The following CSMD2 variants were observed in gnomAD, a reference collection of about 807,000 sequenced individuals.
CSMD2 encodes the protein CUB and Sushi multiple domains 2.
In CSMD2, 130 loss-of-function variants were observed where a neutral mutation model predicts 398.5. The observed-to-expected ratio is 0.33, with a 90% CI of 0.28 to 0.38. CSMD2 has a LOEUF of 0.38. CSMD2 is among the 10% of genes least tolerant of loss of function. The pLI is 1.00. For synonymous variants in CSMD2, 1,828 were observed against 1,908.5 expected (o/e 0.96, Z 1.10); for missense variants, 3,829 against 4,764.9 (o/e 0.80, Z 5.78).
chr1:34,024,227 A>G (rs538485316), intron 3 of CSMD2, among the ~76,000 whole-genome samples: 1 of 152,356 alleles, frequency 6.6e-6, no homozygotes, highest in South Asian at 2.1e-4. Flanking sequence ...ACTGATATAT[A>G]GCAGGTGTTC....
At chr1:33,763,603 C>T (rs748163424) in intron 13 of CSMD2, among the ~76,000 whole-genome samples, 1 of 152,152 alleles carries the variant, frequency 6.6e-6, no homozygotes, top group African/African-American at 2.4e-5. Flanking sequence ...TTGACTAATT[C>T]CTTGGACATC....
At chr1:33,673,437 G>A (rs1029557929) in intron 25 of CSMD2, among the ~76,000 whole-genome samples, 3 of 152,212 alleles carry the variant, frequency 2.0e-5, no homozygotes, top group African/African-American at 7.2e-5. Flanking sequence ...AATGAACAAA[G>A]CTTCCAAGAA....
chr1:34,000,281 T>G (rs1223230098), intron 3 of CSMD2, among the ~76,000 whole-genome samples: 1 of 151,940 alleles, frequency 6.6e-6, no homozygotes, highest in Non-Finnish European at 1.5e-5. Flanking sequence ...GGAAACCTCT[T>G]CAGCATTTCA....
At chr1:34,103,516 T>C (rs1301999333) in intron 1 of CSMD2, among the ~76,000 whole-genome samples, 1 of 151,974 alleles carries the variant, frequency 6.6e-6, no homozygotes, top group Non-Finnish European at 1.5e-5. Flanking sequence ...GCCAGGATGG[T>C]CTTGATCTGA....
At chr1:33,964,244 C>A (rs1465079323) in intron 3 of CSMD2, among the ~76,000 whole-genome samples, 1 of 148,600 alleles carries the variant, frequency 6.7e-6, no homozygotes, top group African/African-American at 2.4e-5. Flanking sequence ...GACTTAACCT[C>A]TCTATGTCTC....
At chr1:33,959,333 C>A (rs1475549211) in intron 3 of CSMD2, among the ~76,000 whole-genome samples, 1 of 152,128 alleles carries the variant, frequency 6.6e-6, no homozygotes, top group Non-Finnish European at 1.5e-5. Context: ...TATCAACTGC[C>A]CAGCACAGTG....
At chr1:33,723,054 G>T (rs776463737) in intron 19 of CSMD2, among the ~76,000 whole-genome samples, 12 of 152,158 alleles carry the variant, frequency 7.9e-5, no homozygotes, top group Non-Finnish European at 1.5e-4. Context: ...ACACAGGCAT[G>T]TGTGTGCACA....
intron 7 of CSMD2, 81 bp from the exon 8 acceptor site, chr1:33,820,637 T>C: frequency 2.2e-6 from 2 of 923,192 alleles, no homozygotes; most frequent in South Asian, 1.4e-5. Flanking sequence ...GCTGGGGCAA[T>C]GTCTCAGGGT....
intron 6 of CSMD2, among the ~76,000 whole-genome samples, chr1:33,836,410 G>T (rs1660272974): frequency 6.6e-6 from 1 of 152,226 alleles, no homozygotes; most frequent in South Asian, 2.1e-4. Context: ...GGACATTTAA[G>T]TCTGCAGAAG....
chr1:33,833,190 C>A (rs1229677776), intron 6 of CSMD2, among the ~76,000 whole-genome samples: 7 of 123,038 alleles, frequency 5.7e-5, no homozygotes, highest in Non-Finnish European at 8.3e-5. Flanking sequence ...CGGGCAGAGA[C>A]ACAATCAAAA....
intron 6 of CSMD2, among the ~76,000 whole-genome samples, chr1:33,830,353 G>A (rs1233072022): frequency 6.6e-6 from 1 of 152,272 alleles, no homozygotes; most frequent in African/African-American, 2.4e-5. Context: ...CGTGGTTCAC[G>A]AAAATCTGCT....
intron 10 of CSMD2, among the ~76,000 whole-genome samples, chr1:33,799,850 C>T (rs557399368): frequency 6.6e-6 from 1 of 152,286 alleles, no homozygotes; most frequent in Non-Finnish European, 1.5e-5. Flanking sequence ...AGAAAATAAA[C>T]GGTGTGTTTT....
At position 33,587,111 on chromosome 1, in the gene CSMD2, G is replaced by A. The variant is rs781184786; in HGVS notation, c.6914C>T (p.Thr2305Ile). 10 of 1,608,910 alleles carry A rather than the reference G, an allele frequency of 6.2e-6. No homozygotes were observed. Among genetic ancestry groups the A allele is most frequent in the Non-Finnish European group, 6.8e-6 (8 of 1,177,906 alleles). ...ACCTATATTGAATTCTTCATTCTCT[G>A]TGACGACTTCGGCGTTGGGGAGGAT... is the stretch of plus-strand genomic sequence containing the variant. ...PTILPNAEVVTENEEFNIGDI... is the reference protein window; with the variant it reads ...PTILPNAEVVIENEEFNIGDI... Residue 2305 changes from threonine to isoleucine, a missense_variant, in exon 45 of 71, where the codon ACA becomes ATA. By Grantham distance (89) the Thr-to-Ile change is moderately conservative (BLOSUM62 -1). Transcript: ENST00000373381.
At chr1:33,840,955 C>T (rs1660790822) in intron 6 of CSMD2, among the ~76,000 whole-genome samples, 1 of 152,184 alleles carries the variant, frequency 6.6e-6, no homozygotes, top group South Asian at 2.1e-4. Flanking sequence ...CAGGCAAGAA[C>T]CCAACATGTT....
At chr1:34,081,392 G>C (rs1320644976) in intron 2 of CSMD2, among the ~76,000 whole-genome samples, 1 of 151,826 alleles carries the variant, frequency 6.6e-6, no homozygotes, top group East Asian at 1.9e-4. Context: ...GGCAGTGGTC[G>C]TCCCTCTCCT....
chr1:33,845,536 C>A lies in CSMD2; in HGVS notation c.1033+1348G>T, dbSNP rs7529112. ...CACCCAGCACTTACTTAATCAGATA[C>A]AATTATAGCATTCATCTCTGCTTTT... On this transcript the variant is annotated intron_variant, in intron 6 of 70. Transcript: ENST00000373381. 2.8e-3 allele frequency among the ~76,000 whole-genome samples: 432 copies of A among 152,310 alleles called. 10 individuals are homozygous for A. In the East Asian group the frequency reaches 0.033, roughly 12 times the overall value.
intron 1 of CSMD2, among the ~76,000 whole-genome samples, chr1:34,094,687 T>A (rs1194878017): frequency 6.6e-5 from 10 of 152,258 alleles, no homozygotes. Context: ...GGTAAAGGGA[T>A]CAATTCAACA....
chr1:33,960,251 G>A (rs529355117), intron 3 of CSMD2, among the ~76,000 whole-genome samples: 9 of 152,204 alleles, frequency 5.9e-5, no homozygotes, highest in African/African-American at 1.4e-4. Flanking sequence ...GATGGGTCTC[G>A]GCCTCAGACC....
chr1:34,058,407 T>C (rs114756794), intron 2 of CSMD2, among the ~76,000 whole-genome samples: 304 of 151,828 alleles, frequency 2.0e-3, no homozygotes, highest in African/African-American at 7.2e-3. Context: ...GATGATGATA[T>C]AAAAACAAAT....
Sources: gnomAD v4.1 joint callset for allele counts (sites outside exome capture counted in the v4.1 genomes callset) on GRCh38, gnomAD v4.1.1 for gene constraint, MANE v1.5 for transcripts, NCBI Gene and HGNC (gene_info 2026-07-23, HGNC 2026-07-21) for gene names.